The following ZNF48 variants were observed in gnomAD, a reference collection of about 807,000 sequenced individuals.
ZNF48 encodes the protein zinc finger protein 48, also known as zinc finger protein 553.
Under a neutral mutation model 40.0 loss-of-function variants are expected in ZNF48, and 20 were observed. The ratio of observed to expected loss-of-function variants is 0.50; its 90% CI spans 0.35 to 0.73. The LOEUF is 0.73. Among genes scored for constraint, ZNF48 ranks in the 30% least tolerant of loss-of-function variants. The pLI is 0.01. For synonymous variants in ZNF48, 298 were observed against 329.7 expected (o/e 0.90, Z 1.04); for missense variants, 726 against 851.9 (o/e 0.85, Z 1.84).
intron 1 of ZNF48, among the ~76,000 whole-genome samples, chr16:30,383,457 G>A (rs551223940): frequency 6.6e-6 from 1 of 152,292 alleles, no homozygotes; most frequent in South Asian, 2.1e-4. Context: ...CCAAACTGCT[G>A]GGATTACGGG....
chr16:30,381,381 C>T lies in ZNF48; in HGVS notation c.-16+2971C>T, dbSNP rs138416972. The stretch of plus-strand genomic sequence containing the variant: ...GATGAAGTAGAGGCAGCAGTGGACT[C>T]GGGAGTCCTGGATGTTCTTCCGGTT... On this transcript the variant is annotated intron_variant, in intron 1 of 2. Coordinates refer to the ZNF48 transcript ENST00000528032. This position sits in a 1 kb window ranked among gnomAD's most constrained non-coding sequence, Gnocchi z 4.3. 1.8e-5 allele frequency: 29 copies of T among 1,613,474 alleles called. No individual in the cohort carries two copies. The African/African-American group carries it at 1.9e-4, about 10-fold the overall frequency.
At chr16:30,394,435 C>T (rs2049964235), upstream of ZNF48, 1 of 152,270 alleles carries the variant, frequency 6.6e-6, no homozygotes, top group Non-Finnish European at 1.5e-5. Context: ...GGATCTTGCT[C>T]CTAGGGCCTG....
In ZNF48 at chr16:30,397,468, A is replaced by G; in HGVS notation, c.218A>G (p.Gln73Arg). 6.2e-7 allele frequency: 1 copy of G among 1,614,156 alleles called. No individual in the cohort carries two copies. Among genetic ancestry groups the G allele is most frequent in the East Asian group, 2.2e-5 (1 of 44,890 alleles). The change falls in exon 3 of 3, where the codon CAG (glutamine) becomes CGG (arginine). Residue 73 changes from glutamine (Q) to arginine (R), a missense_variant. Physicochemically the swap from Gln to Arg is conservative, Grantham distance 43 (BLOSUM62 1). This residue lies in a region of ZNF48 where 151 missense variants were observed against 162.3 expected (regional missense o/e 0.93). Coordinates refer to ENST00000613509, the MANE Select transcript of ZNF48 (RefSeq NM_001214909.2). This position sits in a 1 kb window ranked among gnomAD's most constrained non-coding sequence, Gnocchi z 4.1. ...GCCTCTCTCAAACCTGAAGGCATCC[A>G]GAACTGGGATGACTTATGGGTCCAG... ...GNASLKPEGI[Q>R]NWDDLWVQRE... is the part of the protein sequence containing the mutation.
At position 30,381,367 on chromosome 16, in the gene ZNF48, G is replaced by A; in HGVS notation, c.-16+2957G>A. 6.2e-7 allele frequency: 1 copy of A among 1,609,628 alleles called. No individual in the cohort carries two copies. Among genetic ancestry groups the A allele is most frequent in the Non-Finnish European group, 8.5e-7 (1 of 1,176,270 alleles). On this transcript the variant is annotated intron_variant, in intron 1 of 2. Transcript: ENST00000528032. This position sits in a 1 kb window ranked among gnomAD's most constrained non-coding sequence, Gnocchi z 4.3. ...CGGCCGAAGGGTGAGATGAAGTAGA[G>A]GCAGCAGTGGACTCGGGAGTCCTGG...
chr16:30,378,681 C>A, intron 1 of ZNF48: 3 of 1,608,594 alleles, frequency 1.9e-6, no homozygotes, highest in African/African-American at 2.7e-5. Context: ...ATCTCTGTGG[C>A]GCTCTGGCGG....
At chr16:30,389,930 G>T (rs1037950864) in intron 1 of ZNF48, among the ~76,000 whole-genome samples, 1 of 134,578 alleles carries the variant, frequency 7.4e-6, no homozygotes, top group African/African-American at 2.8e-5. Context: ...TTGAACACCT[G>T]GGCTCACTTC....
At chr16:30,380,878 T>G in intron 1 of ZNF48, 1 of 550,996 alleles carries the variant, frequency 1.8e-6, no homozygotes, top group South Asian at 2.1e-5. Context: ...TATGTTCTCA[T>G]GTCTATGCTC....
rs2050032135 is a variant in ZNF48 at position 30,399,587 on chromosome 16, C to G, written c.*480C>G. 1.3e-5 allele frequency: 2 copies of G among 153,656 alleles called. No individual in the cohort carries two copies. The highest frequency in any genetic ancestry group is 2.4e-5 in the African/African-American group (1 of 41,474). The allele number at this position is 153,656 out of a possible 1,614,324, so 9.5% of individuals were successfully genotyped here. On this transcript the variant is annotated 3_prime_UTR_variant, in exon 3 of 3. Transcript: ENST00000613509. ...GCCTCCCAACCTTGCTCTGGGAGAC[C>G]AATGCCTGAACCAGGGTTTGTTTAC...
rs1036186436 is a variant in ZNF48, at chr16:30,395,421, C to CCCGCCCCCGGTGG, written c.-162_-150dup. On this transcript the variant is annotated 5_prime_UTR_variant, in exon 1 of 3. Transcript: ENST00000613509. This position sits in a 1 kb window ranked among gnomAD's most constrained non-coding sequence, Gnocchi z 5.9. ...CGGCCCCGCGCTTCCGCTTCCCGTC[C>CCCGCCCCCGGTGG]CCGCCCCCGGTGGCCGCCCCCGGGA... The CCCGCCCCCGGTGG allele has an allele frequency of 2.8e-5, 10 of 362,310 alleles. No homozygotes were observed. The highest frequency in any genetic ancestry group is 2.1e-4 in the Admixed American group (6 of 28,532). 22.4% of individuals were successfully genotyped at this position (362,310 alleles called of 1,614,324 possible).
Position 30,398,592 on chromosome 16 carries a change from G to A in ZNF48, c.1342G>A (p.Asp448Asn), listed in dbSNP as rs369700945. The change falls in exon 3 of 3, where the codon GAC becomes AAC. Residue 448 changes from aspartate (D) to asparagine (N), a missense_variant. Asp to Asn is a conservative substitution (Grantham distance 23, BLOSUM62 1). Transcript: ENST00000613509. This position sits in a 1 kb window ranked among gnomAD's most constrained non-coding sequence, Gnocchi z 6.6. ...AGEPPPPLAG[D>N]KPHKCPECGK... ...GGAGCCACCCCCACCACTGGCGGGC[G>A]ACAAGCCCCACAAGTGCCCTGAGTG... 3 of 1,612,060 alleles carry A rather than the reference G, an allele frequency of 1.9e-6. No individual in the cohort carries two copies. Among genetic ancestry groups the A allele is most frequent in the East Asian group, 2.2e-5 (1 of 44,848 alleles).
At position 30,380,925 on chromosome 16, in the gene ZNF48, G is replaced by A. The variant is rs77684658; in HGVS notation, c.-16+2515G>A. ...TAGGCCTCAGCCAGGCATCTAGCCC[G>A]GGGGCTGCATATGTAGCCTATTTTG... is the stretch of plus-strand genomic sequence containing the variant. On this transcript the variant is annotated intron_variant, in intron 1 of 2. Coordinates refer to the ZNF48 transcript ENST00000528032. 2,598 of 611,830 alleles carry A rather than the reference G, an allele frequency of 4.2e-3. 9 individuals carry two copies. The highest frequency in any genetic ancestry group is 5.8e-3 in the Non-Finnish European group (1,981 of 340,120). 37.9% of individuals were successfully genotyped at this position (611,830 alleles called of 1,614,324 possible).
chr16:30,380,996 C>T lies in ZNF48; in HGVS notation c.-16+2586C>T, dbSNP rs1030217623. On this transcript the variant is annotated intron_variant, in intron 1 of 2. Coordinates refer to the ZNF48 transcript ENST00000528032. ...TGCTGGCGGCTTACCACCCGCCTTC[C>T]TCAGAAGCTTCTCCTACAATCTAGC... 2.1e-5 allele frequency: 17 copies of T among 805,550 alleles called. 1 individual carries two copies. In the South Asian group the frequency reaches 2.6e-4, roughly 12 times the overall value. 49.9% of individuals were successfully genotyped at this position (805,550 alleles called of 1,614,324 possible).
intron 1 of ZNF48, chr16:30,378,601 C>A (rs1380501168): frequency 6.2e-7 from 1 of 1,610,612 alleles, no homozygotes; most frequent in South Asian, 1.1e-5. Flanking sequence ...AAGCGAGGTG[C>A]GTGCTCACCT....
rs1287518427 is a variant in ZNF48 at position 30,399,041 on chromosome 16, G to A, written c.1791G>A (p.Thr597=). Residue 597 remains threonine (T), a synonymous_variant, in exon 3 of 3, where the codon ACG becomes ACA. Coordinates refer to ENST00000613509, the MANE Select transcript of ZNF48 (RefSeq NM_001214909.2). The part of the protein sequence containing the change: ...IKHQRGHLVL[T]PFGIGDGRAR... ...ACCAGCGTGGGCACCTGGTCCTGAC[G>A]CCCTTTGGGATAGGGGATGGTAGGG... 19 of 1,612,814 alleles carry A rather than the reference G, an allele frequency of 1.2e-5. No homozygotes were observed. The highest frequency in any genetic ancestry group is 1.4e-5 in the Non-Finnish European group (16 of 1,179,424).
At chr16:30,378,580 C>T (rs1003183055) in intron 1 of ZNF48, 3 of 1,608,812 alleles carry the variant, frequency 1.9e-6, no homozygotes, top group East Asian at 4.5e-5. Flanking sequence ...CCTGGGGCAT[C>T]GGTCGGGGGG....
intron 1 of ZNF48, chr16:30,379,276 A>C: frequency 2.6e-6 from 4 of 1,532,362 alleles, no homozygotes; most frequent in Non-Finnish European, 3.6e-6. Context: ...TCCTGCTGCC[A>C]CTCTAGCGGA....
chr16:30,394,064 T>C (rs1470576629), upstream of ZNF48, among the ~76,000 whole-genome samples: 1 of 151,282 alleles, frequency 6.6e-6, no homozygotes, highest in African/African-American at 2.4e-5. Flanking sequence ...AGGGTCTCGC[T>C]CTGTTGCCCA....
chr16:30,382,734 C>T lies in ZNF48; in HGVS notation c.-16+4324C>T. The T allele has an allele frequency of 3.9e-6, 6 of 1,536,362 alleles. No homozygotes were observed. Among genetic ancestry groups the T allele is most frequent in the Non-Finnish European group, 5.2e-6 (6 of 1,146,698 alleles). Reference sequence around the variant, plus strand: ...CCTTTGCCCATCACCTGTCTACGTACCTTCAACCCTCCATCCTTCACACAT... The same window carrying T: ...CCTTTGCCCATCACCTGTCTACGTATCTTCAACCCTCCATCCTTCACACAT... On this transcript the variant is annotated intron_variant, in intron 1 of 2. Transcript: ENST00000528032. The surrounding 1 kb of genome is among the most constrained non-coding windows in gnomAD (Gnocchi z 4.8).
At chr16:30,384,294 T>G (rs1353830054) in intron 1 of ZNF48, among the ~76,000 whole-genome samples, 2 of 151,520 alleles carry the variant, frequency 1.3e-5, no homozygotes, top group African/African-American at 4.8e-5. Flanking sequence ...TTTGGGAGGC[T>G]GAGTCGGGCA....
Sources: gnomAD v4.1 joint callset for allele counts (sites outside exome capture counted in the v4.1 genomes callset) on GRCh38, gnomAD v4.1.1 for gene constraint, gnomAD v4.1.1 regional missense constraint, Gnocchi (gnomAD v3.1) non-coding constraint, MANE v1.5 for transcripts, NCBI Gene and HGNC (gene_info 2026-07-23, HGNC 2026-07-21) for gene names.